Variants in CRACDL observed in about 807,000 individuals in gnomAD.
The protein encoded by CRACDL is CRACD like, also known as CRACD-like protein.
In CRACDL, 26 loss-of-function variants were observed where a neutral mutation model predicts 70.6. That is an observed-to-expected ratio of 0.37 (90% CI 0.27 to 0.51). The LOEUF is 0.51. CRACDL is among the 20% of genes least tolerant of loss of function. CRACDL has a pLI of 0.94. For missense variants in CRACDL, 1,283 were observed against 1,376.9 expected (o/e 0.93, Z 1.08); for synonymous variants, 618 against 615.2 (o/e 1.00, Z -0.07).
Position 98,832,331 on chromosome 2 carries a change from G to T in CRACDL, c.540+17C>A, listed in dbSNP as rs1397729529. 1.1e-5 allele frequency: 17 copies of T among 1,613,866 alleles called. No homozygotes were observed. Among genetic ancestry groups the T allele is most frequent in the Non-Finnish European group, 1.4e-5 (17 of 1,179,926 alleles). On this transcript the variant is annotated intron_variant, in intron 5 of 9. Transcript: ENST00000397899. ...CAGGTGTGGATGAAGACATGCAGTG[G>T]TACAGGCCGCACTTGCCTTTATGGT...
chr2:98,883,550 T>A (rs973257304), intron 1 of CRACDL, among the ~76,000 whole-genome samples: 10 of 152,146 alleles, frequency 6.6e-5, no homozygotes, highest in African/African-American at 2.4e-4. Flanking sequence ...CATGTACGTA[T>A]CAGGTGCTCG....
chr2:98,818,771 T>C (rs568810564), intron 7 of CRACDL, among the ~76,000 whole-genome samples: 1 of 152,208 alleles, frequency 6.6e-6, no homozygotes, highest in Non-Finnish European at 1.5e-5. Context: ...GCTTCACTGC[T>C]GGGGTCTGAC....
At chr2:98,926,965 G>A (rs557746678) in intron 1 of CRACDL, among the ~76,000 whole-genome samples, 2 of 152,270 alleles carry the variant, frequency 1.3e-5, no homozygotes, top group South Asian at 2.1e-4. Context: ...CCAGGGATTC[G>A]TTTCTAAGTA....
At chr2:98,838,344 G>T in intron 2 of CRACDL, 57 bp from the exon 3 acceptor site, 1 of 970,494 alleles carries the variant, frequency 1.0e-6, no homozygotes. Context: ...GTGTTTATGT[G>T]CATGTATGCA....
At chr2:98,814,565 T>C (rs1013890534) in intron 7 of CRACDL, among the ~76,000 whole-genome samples, 6 of 152,210 alleles carry the variant, frequency 3.9e-5, no homozygotes, top group Admixed American at 3.3e-4. Context: ...TAATAAGGGC[T>C]GTTTAGTGAC....
At chr2:98,870,016 C>A (rs1479424025) in intron 1 of CRACDL, among the ~76,000 whole-genome samples, 3 of 152,164 alleles carry the variant, frequency 2.0e-5, no homozygotes, top group South Asian at 4.1e-4. Context: ...GCTCCCCAGC[C>A]ACCCCACGTG....
intron 1 of CRACDL, among the ~76,000 whole-genome samples, chr2:98,889,260 A>G (rs1707888266): frequency 1.3e-5 from 2 of 151,188 alleles, no homozygotes; most frequent in South Asian, 4.2e-4. Flanking sequence ...AAAGAGAAAA[A>G]GAAAGAAAGA....
In CRACDL at chr2:98,845,200, C is replaced by CTTT. The variant is rs34635348; in HGVS notation, c.70+1528_70+1530dup. Among the ~76,000 whole-genome samples, 37 of 57,612 alleles carry CTTT rather than the reference C, an allele frequency of 6.4e-4. No individual in the cohort carries two copies. The South Asian group carries it at 8.4e-3, about 13-fold the overall frequency. The allele number at this position is 57,612 out of a possible 152,430, so 37.8% of individuals were successfully genotyped here. On this transcript the variant is annotated intron_variant, in intron 2 of 9. Coordinates refer to ENST00000397899, the MANE Select transcript of CRACDL (RefSeq NM_207362.3). ...TCCTTTTCTTTTCTTTCTTCTTCTT[C>CTTT]TTTTTTTTTTTTTTGGAGGCAGGGT... is the stretch of plus-strand genomic sequence containing the variant.
At chr2:98,888,284 T>C (rs1169054090) in intron 1 of CRACDL, among the ~76,000 whole-genome samples, 1 of 152,244 alleles carries the variant, frequency 6.6e-6, no homozygotes, top group East Asian at 1.9e-4. Context: ...ATTTTTTCCT[T>C]CTAATTTAAA....
chr2:98,827,175 T>C lies in CRACDL; in HGVS notation c.541-6A>G. On this transcript the variant is annotated splice_polypyrimidine_tract_variant and splice_region_variant and intron_variant, in intron 5 of 9. Transcript: ENST00000397899. ...TCTGGAGACACGACAGAGACCTTCG[T>C]GGGACAAGGAACAAACACACGGAGC... 1 of 1,610,064 alleles carries C rather than the reference T, an allele frequency of 6.2e-7. No individual in the cohort carries two copies. Among genetic ancestry groups the C allele is most frequent in the Non-Finnish European group, 8.5e-7 (1 of 1,176,704 alleles).
In CRACDL at chr2:98,794,042, TC is replaced by T. The variant is rs1703700848; in HGVS notation, c.*489del. ...TTTATAGCTGCTCTTGGAAACGGCA[TC>T]CCTGTTTTGCCATGAATGTCATGCC... On this transcript the variant is annotated 3_prime_UTR_variant, in exon 10 of 10. Coordinates refer to ENST00000397899, the MANE Select transcript of CRACDL (RefSeq NM_207362.3). 1 of 152,800 alleles carries T rather than the reference TC, an allele frequency of 6.5e-6. No individual in the cohort carries two copies. Among genetic ancestry groups the T allele is most frequent in the Admixed American group, 6.5e-5 (1 of 15,286 alleles). The allele number at this position is 152,800 out of a possible 1,614,324, so 9.5% of individuals were successfully genotyped here.
intron 6 of CRACDL, 64 bp downstream of exon 6, chr2:98,826,911 G>GC (rs1158341760): frequency 2.3e-6 from 3 of 1,285,258 alleles, no homozygotes; most frequent in South Asian, 1.3e-5. Flanking sequence ...CAGGTTGGGG[G>GC]GGGGCATAGG....
intron 5 of CRACDL, among the ~76,000 whole-genome samples, chr2:98,830,951 G>GACA (rs1271946493): frequency 6.6e-6 from 1 of 152,214 alleles, no homozygotes; most frequent in Non-Finnish European, 1.5e-5. Flanking sequence ...GGCAGCTCAT[G>GACA]ACAGACCTCT....
chr2:98,881,596 G>C (rs763225553), intron 1 of CRACDL, among the ~76,000 whole-genome samples: 1 of 152,200 alleles, frequency 6.6e-6, no homozygotes, highest in East Asian at 1.9e-4. Flanking sequence ...TTCTAGAGGT[G>C]TATCAACACC....
At chr2:98,891,845 T>G (rs1001969246) in intron 1 of CRACDL, among the ~76,000 whole-genome samples, 2 of 152,196 alleles carry the variant, frequency 1.3e-5, no homozygotes, top group African/African-American at 2.4e-5. Flanking sequence ...ATAAAGGGTG[T>G]CTGCGTGACT....
chr2:98,884,870 A>G (rs1263635883), intron 1 of CRACDL, among the ~76,000 whole-genome samples: 1 of 152,286 alleles, frequency 6.6e-6, no homozygotes, highest in Admixed American at 6.5e-5. Flanking sequence ...AGTTCATGGT[A>G]TTCTGTTAGA....
At chr2:98,816,711 G>A (rs573679120) in intron 7 of CRACDL, among the ~76,000 whole-genome samples, 36 of 152,298 alleles carry the variant, frequency 2.4e-4, no homozygotes, top group African/African-American at 8.4e-4. Context: ...CATGGTTGAG[G>A]AGCAGAGGAA....
intron 1 of CRACDL, among the ~76,000 whole-genome samples, chr2:98,903,071 C>T (rs1391283621): frequency 6.6e-6 from 1 of 152,136 alleles, no homozygotes; most frequent in Non-Finnish European, 1.5e-5. Flanking sequence ...CCCTATGACC[C>T]GAGTGCTCCT....
chr2:98,928,749 G>A (rs1310122995), intron 1 of CRACDL, among the ~76,000 whole-genome samples: 3 of 152,014 alleles, frequency 2.0e-5, no homozygotes, highest in African/African-American at 4.8e-5. Flanking sequence ...GCCTCACAAA[G>A]CAAGTGACTC....
Sources: gnomAD v4.1 joint callset for allele counts (sites outside exome capture counted in the v4.1 genomes callset) on GRCh38, gnomAD v4.1.1 for gene constraint, MANE v1.5 for transcripts, NCBI Gene and HGNC (gene_info 2026-07-23, HGNC 2026-07-21) for gene names.